ZDHHC3: variants seen among roughly 807,000 people sequenced by gnomAD.
ZDHHC3 encodes the protein palmitoyltransferase ZDHHC3.
Under a neutral mutation model 30.6 loss-of-function variants are expected in ZDHHC3, and 9 were observed. The ratio of observed to expected loss-of-function variants is 0.29; its 90% confidence interval spans 0.18 to 0.51. The LOEUF (loss-of-function observed/expected upper bound fraction) is 0.51. Among genes scored for constraint, ZDHHC3 ranks in the 20% least tolerant of loss-of-function variants. The pLI is 0.97. For missense variants in ZDHHC3, 246 were observed against 384.2 expected (o/e 0.64, Z 3.01); for synonymous variants, 136 against 140.2 (o/e 0.97, Z 0.21).
chr3:44,948,761 C>T (rs1188251504), intron 2 of ZDHHC3, among the ~76,000 whole-genome samples: 1 of 152,068 alleles, frequency 6.6e-6, no homozygotes, highest in Non-Finnish European at 1.5e-5. Flanking sequence ...GCCTACAGAT[C>T]TCCTGTCGTC....
At position 44,916,508 on chromosome 3, in the gene ZDHHC3, A is replaced by T. The variant is rs1700177265; in HGVS notation, c.*10181T>A. On this transcript the variant is annotated 3_prime_UTR_variant, in exon 7 of 7. Transcript: ENST00000424952. Reference sequence around the variant, plus strand: ...TCATGCCCTTTTGCCTGGAGCTGGAAGGGGGGCCCTAACACTGAGGTCTTG... The same window carrying T: ...TCATGCCCTTTTGCCTGGAGCTGGATGGGGGGCCCTAACACTGAGGTCTTG... The T allele has an allele frequency of 6.6e-6, 1 of 152,368 alleles. No homozygotes were observed. Among genetic ancestry groups the T allele is most frequent in the Non-Finnish European group, 1.5e-5 (1 of 68,240 alleles). The allele number at this position is 152,368 out of a possible 1,614,324, so 9.4% of individuals were successfully genotyped here. A position where few individuals can be genotyped will look rare whatever the true frequency, so the allele number is the denominator to read the frequency against.
Position 44,921,327 on chromosome 3 carries a change from C to G in ZDHHC3, c.*5362G>C. 1 of 985,086 alleles carries G rather than the reference C, an allele frequency of 1.0e-6. No homozygotes were observed. The highest frequency in any genetic ancestry group is 1.2e-6 in the Non-Finnish European group (1 of 829,902). The allele number at this position is 985,086 out of a possible 1,614,324, so 61.0% of individuals were successfully genotyped here. On this transcript the variant is annotated 3_prime_UTR_variant, in exon 7 of 7. Transcript: ENST00000424952. ...TATCATCAGATGTAGAAAGCCAGAG[C>G]CTCAGGGAGCAGCCTATGCAAATGT...
intron 2 of ZDHHC3, among the ~76,000 whole-genome samples, chr3:44,948,491 A>G (rs933988484): frequency 3.3e-5 from 5 of 152,248 alleles, no homozygotes; most frequent in African/African-American, 1.2e-4. Context: ...GGTCTACACC[A>G]TGCCGAACAC....
Position 44,929,387 on chromosome 3 carries a change from C to T in ZDHHC3, c.660G>A (p.Leu220=). 6.2e-7 allele frequency: 1 copy of T among 1,614,146 alleles called. No individual in the cohort carries two copies. The highest frequency in any genetic ancestry group is 2.2e-5 in the East Asian group (1 of 44,890). ...PPTTVILLIL[L]CFEGLLFLIF... ...TGAGGAAGAGCAGGCCCTCAAAGCACAGCAGGATAAGGAGAATCACTGTGG... is the reference window on the plus strand; with the variant it reads ...TGAGGAAGAGCAGGCCCTCAAAGCATAGCAGGATAAGGAGAATCACTGTGG... Residue 220 remains leucine (L), a synonymous_variant, in exon 6 of 7, where the codon CTG becomes CTA. Coordinates refer to ENST00000424952, the MANE Select transcript of ZDHHC3 (RefSeq NM_001135179.2).
intron 1 of ZDHHC3, among the ~76,000 whole-genome samples, chr3:44,970,715 A>G (rs1424687337): frequency 2.0e-5 from 3 of 152,224 alleles, no homozygotes; most frequent in East Asian, 1.9e-4. Flanking sequence ...AGTTTTTTCA[A>G]TCAAGTACAG....
At chr3:44,955,241 A>G (rs1278822317) in intron 2 of ZDHHC3, among the ~76,000 whole-genome samples, 1 of 152,090 alleles carries the variant, frequency 6.6e-6, no homozygotes, top group Admixed American at 6.5e-5. Flanking sequence ...CGGCTGTCTC[A>G]CTTCCAAGGG....
rs898644489 is a variant in ZDHHC3 at position 44,926,548 on chromosome 3, C to T, written c.*141G>A. 1 of 1,262,190 alleles carries T rather than the reference C, an allele frequency of 7.9e-7. No homozygotes were observed. Among genetic ancestry groups the T allele is most frequent in the East Asian group, 3.1e-5 (1 of 32,394 alleles). 78.2% of individuals were successfully genotyped at this position (1,262,190 alleles called of 1,614,324 possible). ...GGGACTTTTTTTTTTCTCTGCAATGCTCAGCCATTTTACTTGAGACATAAA... is the reference window on the plus strand; with the variant it reads ...GGGACTTTTTTTTTTCTCTGCAATGTTCAGCCATTTTACTTGAGACATAAA... On this transcript the variant is annotated 3_prime_UTR_variant, in exon 7 of 7. Coordinates refer to ENST00000424952, the MANE Select transcript of ZDHHC3 (RefSeq NM_001135179.2).
intron 1 of ZDHHC3, among the ~76,000 whole-genome samples, chr3:44,972,696 G>A (rs796873976): frequency 2.0e-5 from 3 of 152,186 alleles, no homozygotes; most frequent in Non-Finnish European, 4.4e-5. Flanking sequence ...TAATTGCCAC[G>A]TCTCAATTGA....
intron 2 of ZDHHC3, among the ~76,000 whole-genome samples, chr3:44,948,374 G>A (rs1703136784): frequency 6.6e-6 from 1 of 152,206 alleles, no homozygotes; most frequent in Non-Finnish European, 1.5e-5. Context: ...TGCTGGAAAT[G>A]CAAGGGAGCT....
intron 3 of ZDHHC3, among the ~76,000 whole-genome samples, chr3:44,943,910 C>A (rs1702666909): frequency 1.3e-5 from 2 of 152,104 alleles, no homozygotes; most frequent in South Asian, 4.1e-4. Context: ...ATTGCTTGAG[C>A]CTGGGAGTCT....
chr3:44,970,096 AG>A (rs1432947850), intron 1 of ZDHHC3, among the ~76,000 whole-genome samples: 1 of 152,228 alleles, frequency 6.6e-6, no homozygotes, highest in Non-Finnish European at 1.5e-5. Flanking sequence ...AAGACTAGCT[AG>A]GGAAGGGAGA....
chr3:44,940,522 T>C (rs1282461156), intron 3 of ZDHHC3, among the ~76,000 whole-genome samples: 1 of 152,250 alleles, frequency 6.6e-6, no homozygotes, highest in Non-Finnish European at 1.5e-5. Flanking sequence ...GATGAGACGC[T>C]GTAAGCTGGT....
intron 3 of ZDHHC3, chr3:44,937,941 C>A (rs959331275): frequency 2.1e-6 from 1 of 475,692 alleles, no homozygotes; most frequent in East Asian, 5.9e-5. Context: ...CAAGGAACTG[C>A]CGTGAGACAG....
intron 3 of ZDHHC3, among the ~76,000 whole-genome samples, chr3:44,936,879 C>T (rs1052016310): frequency 5.4e-5 from 8 of 148,688 alleles, no homozygotes; most frequent in Non-Finnish European, 1.0e-4. Flanking sequence ...GTTAAAACCC[C>T]CCCCCAAAAC....
At position 44,920,250 on chromosome 3, in the gene ZDHHC3, G is replaced by T; in HGVS notation, c.*6439C>A. The T allele has an allele frequency of 7.8e-7, 1 of 1,289,880 alleles. No individual in the cohort carries two copies. The highest frequency in any genetic ancestry group is 1.0e-6 in the Non-Finnish European group (1 of 988,860). 79.9% of individuals were successfully genotyped at this position (1,289,880 alleles called of 1,614,324 possible). On this transcript the variant is annotated 3_prime_UTR_variant, in exon 7 of 7. Transcript: ENST00000424952. ...TGCTTCCTGACTGGCCCCTCGCCAG[G>T]CCTCCCTTCTTGGCACAGAAGCAGT...
chr3:44,915,685 G>A lies in ZDHHC3; in HGVS notation c.*11004C>T, dbSNP rs904981311. ...TGTTGTACCTCTGCTTTCAGGCCAAGATGGATTCCCTAGAAGAGGAGTTTG... is the reference window on the plus strand; with the variant it reads ...TGTTGTACCTCTGCTTTCAGGCCAAAATGGATTCCCTAGAAGAGGAGTTTG... On this transcript the variant is annotated 3_prime_UTR_variant, in exon 7 of 7. Transcript: ENST00000424952. 6.6e-6 allele frequency: 1 copy of A among 152,074 alleles called. No homozygotes were observed. The highest frequency in any genetic ancestry group is 1.5e-5 in the Non-Finnish European group (1 of 68,098). 9.4% of individuals were successfully genotyped at this position (152,074 alleles called of 1,614,324 possible). A position where few individuals can be genotyped will look rare whatever the true frequency, so the allele number is the denominator to read the frequency against.
At chr3:44,960,300 C>T (rs191896880) in intron 1 of ZDHHC3, among the ~76,000 whole-genome samples, 59 of 152,334 alleles carry the variant, frequency 3.9e-4, no homozygotes, top group Admixed American at 1.5e-3. Context: ...CACCTCCTCC[C>T]AGGATTGCTG....
At chr3:44,941,630 T>C (rs1702447682) in intron 3 of ZDHHC3, among the ~76,000 whole-genome samples, 1 of 151,696 alleles carries the variant, frequency 6.6e-6, no homozygotes, top group Non-Finnish European at 1.5e-5. Flanking sequence ...GTCAGAGGTC[T>C]CTCCCTCCTC....
chr3:44,975,558 T>C (rs1705855865), intron 1 of ZDHHC3: 1 of 152,240 alleles, frequency 6.6e-6, no homozygotes, highest in African/African-American at 2.4e-5. Context: ...GCGAGAGATA[T>C]TCCTGGGTGG....
Sources: gnomAD v4.1 joint callset for allele counts (sites outside exome capture counted in the v4.1 genomes callset) on GRCh38, gnomAD v4.1.1 for gene constraint, MANE v1.5 for transcripts, NCBI Gene and HGNC (gene_info 2026-07-23, HGNC 2026-07-21) for gene names.